Variants in COL4A3 observed in about 807,000 individuals in gnomAD.
The protein encoded by COL4A3 is collagen type IV alpha 3 chain, also known as collagen alpha-3(IV) chain.
COL4A3 carries 135 observed loss-of-function variants against 217.4 expected under a neutral mutation model. That is an observed-to-expected ratio of 0.62 (90% CI 0.54 to 0.72). COL4A3 has a LOEUF of 0.72. COL4A3 is among the 30% of genes least tolerant of loss of function. The probability of loss-of-function intolerance (pLI) is 0.00; values close to 1 mark genes in which losing one functional copy is unlikely to be tolerated. For missense variants in COL4A3, 1,868 were observed against 2,119.9 expected (o/e 0.88, Z 2.33); for synonymous variants, 690 against 736.3 (o/e 0.94, Z 1.02).
At chr2:227,238,722 TCTAAA>T (rs139707807) in intron 2 of COL4A3, among the ~76,000 whole-genome samples, 11,641 of 152,200 alleles carry the variant, frequency 0.076, 546 homozygotes, top group Admixed American at 0.14. Context: ...AAGCTCTTTA[TCTAAA>T]CTAATTTCTA....
chr2:227,257,270 C>T (rs1302373836), intron 17 of COL4A3, among the ~76,000 whole-genome samples: 1 of 152,120 alleles, frequency 6.6e-6, no homozygotes, highest in African/African-American at 2.4e-5. Flanking sequence ...AATGCATACA[C>T]CCCACAGACT....
At chr2:227,172,991 C>T (rs1455366035) in intron 1 of COL4A3, among the ~76,000 whole-genome samples, 1 of 152,162 alleles carries the variant, frequency 6.6e-6, no homozygotes, top group Non-Finnish European at 1.5e-5. Flanking sequence ...AGACCATTAC[C>T]CTATGCTTAC....
chr2:227,284,156 C>A, intron 33 of COL4A3, 55 bp from the exon 34 acceptor site: 3 of 1,611,962 alleles, frequency 1.9e-6, no homozygotes, highest in South Asian at 2.2e-5. Flanking sequence ...ACTTTTTAAT[C>A]CCTATGAACT....
At chr2:227,265,238 A>G (rs558634387) in intron 21 of COL4A3, 17 of 152,348 alleles carry the variant, frequency 1.1e-4, no homozygotes, top group African/African-American at 4.1e-4. Context: ...ATAAGTCTAC[A>G]CTAAGTATTA....
At chr2:227,204,662 A>G (rs981968409) in intron 1 of COL4A3, among the ~76,000 whole-genome samples, 6 of 152,202 alleles carry the variant, frequency 3.9e-5, no homozygotes, top group African/African-American at 1.4e-4. Flanking sequence ...GCTGGACACA[A>G]GTACCAAGTA....
At chr2:227,205,916 G>T (rs980964753) in intron 1 of COL4A3, among the ~76,000 whole-genome samples, 1 of 152,172 alleles carries the variant, frequency 6.6e-6, no homozygotes, top group Non-Finnish European at 1.5e-5. Context: ...TATCTGGGGA[G>T]ATCAAGAGCA....
chr2:227,276,358 A>G, intron 26 of COL4A3, 27 bp from the exon 27 acceptor site: 1 of 1,552,644 alleles, frequency 6.4e-7, no homozygotes, highest in Non-Finnish European at 8.9e-7. Context: ...TATATACCCC[A>G]ATCTTATGAC....
At chr2:227,251,249 T>C in intron 10 of COL4A3, 47 bp downstream of exon 10, 4 of 1,578,902 alleles carry the variant, frequency 2.5e-6, no homozygotes, top group Non-Finnish European at 3.5e-6. Flanking sequence ...ACTAATAGAT[T>C]CATTATTTAT....
In COL4A3 at chr2:227,283,862, T is replaced by A. The variant is rs773316172; in HGVS notation, c.2746+6T>A. The A allele has an allele frequency of 6.2e-7, 1 of 1,604,740 alleles. No homozygotes were observed. Among genetic ancestry groups the A allele is most frequent in the Non-Finnish European group, 8.5e-7 (1 of 1,171,560 alleles). On this transcript the variant is annotated splice_donor_region_variant and intron_variant, in intron 33 of 51. Coordinates refer to ENST00000396578, the MANE Select transcript of COL4A3 (RefSeq NM_000091.5). ...AGGCACACCAGGGCAGAGGGGTAAG[T>A]GATAGAGTGTCTTTCTAAATAGCAG...
intron 3 of COL4A3, among the ~76,000 whole-genome samples, chr2:227,242,462 T>C (rs1217209053): frequency 6.6e-6 from 1 of 152,206 alleles, no homozygotes; most frequent in African/African-American, 2.4e-5. Flanking sequence ...GGTGTCATCA[T>C]GTGGGCAGGA....
intron 48 of COL4A3, 113 bp from the exon 49 acceptor site, chr2:227,308,786 T>C: frequency 8.9e-7 from 1 of 1,122,104 alleles, no homozygotes; most frequent in Admixed American, 1.8e-5. Flanking sequence ...TCTTTTGTGT[T>C]GTCTTTGTCC....
At chr2:227,207,326 T>C (rs958559142) in intron 1 of COL4A3, among the ~76,000 whole-genome samples, 1 of 152,190 alleles carries the variant, frequency 6.6e-6, no homozygotes, top group Non-Finnish European at 1.5e-5. Flanking sequence ...AAATGCATTT[T>C]AGTATAACAT....
chr2:227,303,985 G>C, intron 45 of COL4A3, 34 bp from the exon 46 acceptor site: 1 of 1,614,232 alleles, frequency 6.2e-7, no homozygotes, highest in Non-Finnish European at 8.5e-7. Flanking sequence ...ACATCCGTGA[G>C]GCCATCATCT....
chr2:227,270,830 C>A lies in COL4A3; in HGVS notation c.1636C>A (p.Pro546Thr). ...LKGEKGETLQ[P>T]EGQVGVPGDP... ...AGGAGAAAAAGGTGAAACACTTCAG[C>A]CTGAGGGGCAAGTGGGTGTCCCAGG... is the stretch of plus-strand genomic sequence containing the variant. Residue 546 changes from proline to threonine, a missense_variant, in exon 25 of 52, where the codon CCT (proline) becomes ACT (threonine). By Grantham distance (38) the Pro-to-Thr change is conservative (BLOSUM62 -1). Transcript: ENST00000396578. 1 of 1,614,130 alleles carries A rather than the reference C, an allele frequency of 6.2e-7. No individual in the cohort carries two copies. Among genetic ancestry groups the A allele is most frequent in the Non-Finnish European group, 8.5e-7 (1 of 1,180,020 alleles).
At chr2:227,200,228 A>G (rs1207903569) in intron 1 of COL4A3, among the ~76,000 whole-genome samples, 2 of 151,928 alleles carry the variant, frequency 1.3e-5, no homozygotes, top group Non-Finnish European at 2.9e-5. Context: ...GTGTAGATAC[A>G]ATTCGAAGAA....
chr2:227,265,554 G>A (rs943787572), intron 21 of COL4A3: 4 of 152,212 alleles, frequency 2.6e-5, no homozygotes, highest in African/African-American at 4.8e-5. Context: ...GCTGAGAAGA[G>A]CTTTCTTAGA....
intron 1 of COL4A3, among the ~76,000 whole-genome samples, chr2:227,174,726 T>C (rs922980142): frequency 2.0e-5 from 3 of 152,152 alleles, no homozygotes; most frequent in Admixed American, 1.3e-4. Context: ...AGGCTGGTCT[T>C]GAACTCCTGA....
chr2:227,263,647 A>G, intron 20 of COL4A3, 133 bp from the exon 21 acceptor site: 3 of 911,200 alleles, frequency 3.3e-6, no homozygotes, highest in Non-Finnish European at 5.0e-6. Context: ...TCACTTTTTT[A>G]TTTTATATGT....
At chr2:227,286,322 T>A (rs2072321130) in intron 34 of COL4A3, among the ~76,000 whole-genome samples, 1 of 137,884 alleles carries the variant, frequency 7.3e-6, no homozygotes, top group African/African-American at 2.6e-5. Context: ...CAAAACCCCA[T>A]CTCTACTAAA....
Sources: allele counts gnomAD v4.1 joint callset (sites outside exome capture counted in the v4.1 genomes callset), GRCh38; gene constraint gnomAD v4.1.1; transcripts MANE v1.5; gene names NCBI Gene and HGNC (gene_info 2026-07-23, HGNC 2026-07-21).